The following UGGT2 variants were observed in gnomAD, a reference collection of about 807,000 sequenced individuals.
The protein encoded by UGGT2 is UDP-glucose:glycoprotein glucosyltransferase 2.
Under a neutral mutation model 192.1 loss-of-function variants are expected in UGGT2, and 180 were observed. The ratio of observed to expected loss-of-function variants is 0.94; its 90% CI spans 0.83 to 1.06. The LOEUF (loss-of-function observed/expected upper bound fraction) is 1.06, where lower values mean the gene tolerates loss of function less well. UGGT2 is among the 50% of genes least tolerant of loss of function. The pLI, the probability that UGGT2 is intolerant of heterozygous loss-of-function variation, is 0.00. For missense variants in UGGT2, 1,849 were observed against 1,795.7 expected (o/e 1.03, Z -0.54); for synonymous variants, 580 against 591.0 (o/e 0.98, Z 0.27).
chr13:96,031,783 C>T, intron 2 of UGGT2, 106 bp downstream of exon 2: 1 of 745,404 alleles, frequency 1.3e-6, no homozygotes, highest in South Asian at 2.6e-5. Flanking sequence ...GATTTACTAA[C>T]CCAGTGAAGC....
intron 38 of UGGT2, among the ~76,000 whole-genome samples, chr13:95,811,464 T>C (rs576834801): frequency 6.6e-6 from 1 of 152,204 alleles, no homozygotes; most frequent in East Asian, 1.9e-4. Context: ...GTCAGGGAGA[T>C]AGGGAAATTA....
At chr13:96,002,257 T>C (rs1054330268) in intron 5 of UGGT2, among the ~76,000 whole-genome samples, 3 of 152,236 alleles carry the variant, frequency 2.0e-5, no homozygotes, top group Admixed American at 6.5e-5. Context: ...TATCCATCCT[T>C]CTAGCAAACT....
chr13:95,806,968 T>A (rs957091452), intron 38 of UGGT2, among the ~76,000 whole-genome samples: 5 of 152,116 alleles, frequency 3.3e-5, no homozygotes, highest in African/African-American at 1.2e-4. Context: ...GTGAATTGGA[T>A]TGGGCAATAC....
rs552180812 is a variant in UGGT2, at chr13:95,824,573, C to G, written c.4528+8354G>C. On this transcript the variant is annotated intron_variant, in intron 38 of 38. Coordinates refer to ENST00000376747, the MANE Select transcript of UGGT2 (RefSeq NM_020121.4). The stretch of plus-strand genomic sequence containing the variant: ...AATTCTTTTGTCTACATGTTGTAGT[C>G]TATTGTTGAACCTTTCCATGGCATT... 3.9e-5 allele frequency among the ~76,000 whole-genome samples: 6 copies of G among 152,210 alleles called. No homozygotes were observed. The South Asian group carries it at 1.0e-3, about 26-fold the overall frequency.
intron 10 of UGGT2, among the ~76,000 whole-genome samples, chr13:95,974,317 A>G (rs1181896002): frequency 1.3e-5 from 2 of 152,214 alleles, no homozygotes; most frequent in Non-Finnish European, 2.9e-5. Flanking sequence ...TAGTGAATTT[A>G]TATTTCCTGC....
intron 15 of UGGT2, among the ~76,000 whole-genome samples, chr13:95,942,618 T>C (rs2049728783): frequency 2.0e-5 from 3 of 152,204 alleles, no homozygotes; most frequent in Admixed American, 2.0e-4. Flanking sequence ...TTAAAAGTTA[T>C]TTTATGCATT....
intron 27 of UGGT2, among the ~76,000 whole-genome samples, chr13:95,879,921 T>C (rs1276904641): frequency 6.6e-6 from 1 of 152,220 alleles, no homozygotes; most frequent in Non-Finnish European, 1.5e-5. Flanking sequence ...CTTTAAATTC[T>C]GGGGTACATG....
intron 36 of UGGT2, among the ~76,000 whole-genome samples, chr13:95,840,473 C>A (rs1019194347): frequency 1.3e-5 from 2 of 152,156 alleles, no homozygotes; most frequent in Admixed American, 6.5e-5. Flanking sequence ...TAGAGAAATG[C>A]AAATCAAAAC....
intron 12 of UGGT2, among the ~76,000 whole-genome samples, chr13:95,958,155 ATTT>A (rs879372795): frequency 6.9e-6 from 1 of 145,690 alleles, no homozygotes; most frequent in African/African-American, 2.5e-5. Context: ...AGAAGGCAGA[ATTT>A]TTTTTTTTTT....
At chr13:95,825,733 T>C (rs554996241) in intron 38 of UGGT2, among the ~76,000 whole-genome samples, 3 of 152,276 alleles carry the variant, frequency 2.0e-5, no homozygotes, top group Non-Finnish European at 4.4e-5. Flanking sequence ...TGCCTGAATG[T>C]TGGGGTACAG....
At chr13:95,977,952 A>T (rs1002012876) in intron 10 of UGGT2, among the ~76,000 whole-genome samples, 1 of 152,168 alleles carries the variant, frequency 6.6e-6, no homozygotes, top group African/African-American at 2.4e-5. Context: ...ACAGAAAGTG[A>T]AACACTGCAT....
chr13:96,023,829 G>T, intron 2 of UGGT2, 70 bp from the exon 3 acceptor site: 1 of 1,282,752 alleles, frequency 7.8e-7, no homozygotes, highest in Non-Finnish European at 1.1e-6. Context: ...ATCTTCCACT[G>T]TAAGGCTAAC....
At chr13:96,041,740 G>A (rs1269846632) in intron 1 of UGGT2, among the ~76,000 whole-genome samples, 1 of 152,152 alleles carries the variant, frequency 6.6e-6, no homozygotes, top group Non-Finnish European at 1.5e-5. Flanking sequence ...TGAGGCCTGT[G>A]ACTGTAGGCT....
intron 12 of UGGT2, 60 bp from the exon 13 acceptor site, chr13:95,949,514 C>T: frequency 7.4e-7 from 1 of 1,351,654 alleles, no homozygotes. Flanking sequence ...TTTTCAAAGC[C>T]AGATTTTTAC....
chr13:95,851,389 G>A (rs901385161), intron 36 of UGGT2, among the ~76,000 whole-genome samples: 5 of 152,186 alleles, frequency 3.3e-5, no homozygotes, highest in African/African-American at 1.2e-4. Context: ...TTAAAACCAT[G>A]ATTGGCTGCA....
Position 95,999,289 on chromosome 13 carries a change from T to C in UGGT2, c.679A>G (p.Met227Val), listed in dbSNP as rs921890292. Reference sequence around the variant, plus strand: ...TCCACACCATACCCAGATAAGTACATTTTCCGTGAGCTTGGTTTCTGTTCA... The same window carrying C: ...TCCACACCATACCCAGATAAGTACACTTTCCGTGAGCTTGGTTTCTGTTCA... ...HYIQKPSSRKMYLSGYGVELA... is the reference protein window; with the variant it reads ...HYIQKPSSRKVYLSGYGVELA... Residue 227 changes from methionine (M) to valine (V), a missense_variant, in exon 6 of 39, where the codon ATG (methionine) becomes GTG (valine). Met to Val is a conservative substitution (Grantham distance 21). Coordinates refer to ENST00000376747, the MANE Select transcript of UGGT2 (RefSeq NM_020121.4). 1.2e-6 allele frequency: 2 copies of C among 1,613,444 alleles called. No homozygotes were observed. Among genetic ancestry groups the C allele is most frequent in the Non-Finnish European group, 1.7e-6 (2 of 1,179,678 alleles).
intron 32 of UGGT2, chr13:95,859,895 G>A (rs1889995849): frequency 2.7e-6 from 1 of 373,656 alleles, no homozygotes; most frequent in Non-Finnish European, 4.8e-6. Flanking sequence ...AATGAAATGT[G>A]AAGAAATAAA....
intron 38 of UGGT2, among the ~76,000 whole-genome samples, chr13:95,826,610 T>C (rs1181307641): frequency 6.6e-6 from 1 of 152,046 alleles, no homozygotes; most frequent in East Asian, 1.9e-4. Flanking sequence ...AAAAATTCCA[T>C]TTATAACAGT....
intron 20 of UGGT2, among the ~76,000 whole-genome samples, chr13:95,905,118 C>A (rs1189467893): frequency 6.6e-6 from 1 of 152,138 alleles, no homozygotes; most frequent in Middle Eastern, 3.4e-3. Flanking sequence ...CTGTTCATGT[C>A]CTTCGCCCAC....
Sources: gnomAD v4.1 joint callset for allele counts (sites outside exome capture counted in the v4.1 genomes callset) on GRCh38, gnomAD v4.1.1 for gene constraint, MANE v1.5 for transcripts, NCBI Gene and HGNC (gene_info 2026-07-23, HGNC 2026-07-21) for gene names.